The following NRG3 variants were observed in gnomAD, a reference collection of about 807,000 sequenced individuals.
NRG3 encodes the protein pro-neuregulin-3, membrane-bound isoform.
In NRG3, 31 loss-of-function variants were observed where a neutral mutation model predicts 66.9. The observed-to-expected ratio is 0.46, with a 90% CI of 0.35 to 0.63. The LOEUF (loss-of-function observed/expected upper bound fraction) is 0.63. NRG3 is among the 20% of genes least tolerant of loss of function. The pLI is 0.00. For missense variants in NRG3, 910 were observed against 878.9 expected (o/e 1.04, Z -0.45); for synonymous variants, 393 against 359.4 (o/e 1.09, Z -1.06).
chr10:82,848,529 C>T (rs149916692), intron 3 of NRG3, among the ~76,000 whole-genome samples: 73 of 152,250 alleles, frequency 4.8e-4, no homozygotes, highest in African/African-American at 1.3e-3. Flanking sequence ...TGTCTCACAT[C>T]GGACTTTGGA....
rs574070240 is a variant in NRG3 at position 82,264,065 on chromosome 10, C to T, written c.824-94674C>T. ...GTGATGACTGATGCTTACTGGGCAA[C>T]GAAGAGAAAATGTCACATAGGCATT... On this transcript the variant is annotated intron_variant, in intron 1 of 8. Transcript: ENST00000372141. 1.3e-3 allele frequency among the ~76,000 whole-genome samples: 190 copies of T among 151,938 alleles called. 1 individual carries two copies. Among genetic ancestry groups the T allele is most frequent in the African/African-American group, 4.2e-3 (175 of 41,412 alleles).
At chr10:82,715,787 G>C (rs2056934041) in intron 2 of NRG3, among the ~76,000 whole-genome samples, 1 of 152,024 alleles carries the variant, frequency 6.6e-6, no homozygotes, top group Non-Finnish European at 1.5e-5. Context: ...ATAAACAACA[G>C]ATTTTTTTCT....
intron 1 of NRG3, among the ~76,000 whole-genome samples, chr10:82,353,699 T>A (rs887880166): frequency 1.5e-4 from 23 of 152,190 alleles, no homozygotes; most frequent in African/African-American, 5.3e-4. Context: ...CTATTTCTAA[T>A]GCCAGCAGCA....
chr10:82,804,500 C>A (rs536907908), intron 3 of NRG3, among the ~76,000 whole-genome samples: 20 of 152,076 alleles, frequency 1.3e-4, no homozygotes, highest in Admixed American at 1.0e-3. Flanking sequence ...CACAGGGGGT[C>A]GAGGATAAAA....
Position 81,875,548 on chromosome 10 carries a change from G to T in NRG3, c.208G>T (p.Val70Leu). 1.9e-6 allele frequency: 3 copies of T among 1,613,054 alleles called. No individual in the cohort carries two copies. The highest frequency in any genetic ancestry group is 2.5e-6 in the Non-Finnish European group (3 of 1,179,864). ...WNRQQTWLCV[V>L]PLFIGFIGLG... is the part of the protein sequence containing the mutation. ...CCGGCAGCAGACGTGGCTGTGCGTG[G>T]TACCTCTGTTCATCGGCTTCATCGG... The change falls in exon 1 of 9, where the codon GTA becomes TTA. Residue 70 changes from valine (V) to leucine (L), a missense_variant. By Grantham distance (32) the Val-to-Leu change is conservative (BLOSUM62 1). Coordinates refer to ENST00000372141, the MANE Select transcript of NRG3 (RefSeq NM_001010848.4). The surrounding 1 kb of genome is among the most constrained non-coding windows in gnomAD (Gnocchi z 5.3).
chr10:82,408,819 A>C (rs1005050523), intron 2 of NRG3, among the ~76,000 whole-genome samples: 9 of 152,044 alleles, frequency 5.9e-5, no homozygotes, highest in African/African-American at 1.9e-4. Context: ...TGTATTTCCA[A>C]GGAGGAATAC....
At chr10:82,652,571 C>G (rs2051508691) in intron 2 of NRG3, among the ~76,000 whole-genome samples, 1 of 152,178 alleles carries the variant, frequency 6.6e-6, no homozygotes, top group Non-Finnish European at 1.5e-5. Context: ...CTAGCTGCTT[C>G]TCTTCTCTCT....
chr10:82,160,427 A>T (rs2071498563), intron 1 of NRG3, among the ~76,000 whole-genome samples: 1 of 152,018 alleles, frequency 6.6e-6, no homozygotes. Context: ...ATGCTTTGTC[A>T]TGGCTATACA....
chr10:82,863,830 A>G (rs505826), intron 3 of NRG3, among the ~76,000 whole-genome samples: 97,349 of 151,998 alleles, frequency 0.64, 32,101 homozygotes, highest in African/African-American at 0.8. Context: ...AAGAATGACC[A>G]TAGCTTTTTC....
chr10:82,378,020 A>G (rs1323817519), intron 2 of NRG3, among the ~76,000 whole-genome samples: 1 of 152,222 alleles, frequency 6.6e-6, no homozygotes, highest in Non-Finnish European at 1.5e-5. Flanking sequence ...ATAACCAGTG[A>G]AGGGGAAATC....
chr10:82,544,614 C>T (rs1158921954), intron 2 of NRG3, among the ~76,000 whole-genome samples: 1 of 152,160 alleles, frequency 6.6e-6, no homozygotes, highest in East Asian at 1.9e-4. Flanking sequence ...CAGGTGGTTT[C>T]AGCAGGAGGG....
chr10:82,418,400 T>C (rs747762090), intron 2 of NRG3, among the ~76,000 whole-genome samples: 17 of 145,408 alleles, frequency 1.2e-4, no homozygotes, highest in Admixed American at 2.7e-4. Flanking sequence ...ATGCAAATGT[T>C]TATGCAAATT....
rs140956385 is a variant in NRG3, at chr10:82,268,922, T to C, written c.824-89817T>C. 2.9e-3 allele frequency among the ~76,000 whole-genome samples: 443 copies of C among 152,216 alleles called. 3 individuals carry two copies. The highest frequency in any genetic ancestry group is 0.01 in the African/African-American group (424 of 41,546). On this transcript the variant is annotated intron_variant, in intron 1 of 8. Coordinates refer to ENST00000372141, the MANE Select transcript of NRG3 (RefSeq NM_001010848.4). ...GTACTATGGGCAGTCTTGTTGCAGA[T>C]CTATTTCATCTTCCTTTCCCCTGCC...
At chr10:82,564,164 T>C (rs1189586154) in intron 2 of NRG3, among the ~76,000 whole-genome samples, 2 of 152,184 alleles carry the variant, frequency 1.3e-5, no homozygotes, top group Non-Finnish European at 2.9e-5. Context: ...TGTGCATACA[T>C]TGTTTGGATA....
chr10:82,405,034 C>T (rs562934096), intron 2 of NRG3, among the ~76,000 whole-genome samples: 3 of 152,156 alleles, frequency 2.0e-5, no homozygotes, highest in South Asian at 4.1e-4. Flanking sequence ...GAGAATGATC[C>T]ACAATTTCTG....
intron 1 of NRG3, among the ~76,000 whole-genome samples, chr10:82,075,722 G>A (rs2065053431): frequency 6.6e-6 from 1 of 152,036 alleles, no homozygotes; most frequent in Non-Finnish European, 1.5e-5. Context: ...TGCTGTGTGT[G>A]TGAGAGTGTG....
chr10:82,775,642 A>C (rs2059885590), intron 3 of NRG3, among the ~76,000 whole-genome samples: 7 of 152,102 alleles, frequency 4.6e-5, no homozygotes. Context: ...ATTGCATTTC[A>C]AGTTCTATAT....
intron 2 of NRG3, among the ~76,000 whole-genome samples, chr10:82,561,544 T>A (rs2045045619): frequency 6.6e-6 from 1 of 152,092 alleles, no homozygotes; most frequent in Admixed American, 6.6e-5. Flanking sequence ...TCCCAGCTAC[T>A]TGGGAGGCTG....
chr10:82,116,192 G>A (rs889288128), intron 1 of NRG3, among the ~76,000 whole-genome samples: 1 of 152,012 alleles, frequency 6.6e-6, no homozygotes, highest in African/African-American at 2.4e-5. Flanking sequence ...GTTAGATCCA[G>A]GTGGATTTGA....
Sources: allele counts gnomAD v4.1 joint callset (sites outside exome capture counted in the v4.1 genomes callset), GRCh38; gene constraint gnomAD v4.1.1; non-coding constraint Gnocchi (gnomAD v3.1); transcripts MANE v1.5; gene names NCBI Gene and HGNC (gene_info 2026-07-23, HGNC 2026-07-21).